Variants in PAK1 observed in about 807,000 individuals in gnomAD.
PAK1 encodes the protein serine/threonine-protein kinase PAK 1.
Under a neutral mutation model 67.4 loss-of-function variants are expected in PAK1, and 29 were observed. The observed-to-expected ratio is 0.43, with a 90% confidence interval of 0.32 to 0.59. The LOEUF is 0.59. Ranked by LOEUF, PAK1 falls within the 20% of genes least tolerant of loss-of-function variation. PAK1 has a pLI of 0.07. For missense variants in PAK1, 337 were observed against 670.7 expected (o/e 0.50, Z 5.50); for synonymous variants, 223 against 237.4 (o/e 0.94, Z 0.56).
intron 1 of PAK1, among the ~76,000 whole-genome samples, chr11:77,412,770 AT>A (rs1267734595): frequency 6.6e-6 from 1 of 152,226 alleles, no homozygotes; most frequent in Middle Eastern, 3.2e-3. Context: ...TACTTTATAA[AT>A]GTTATGTCTC....
At chr11:77,442,650 C>CT (rs1190059553) in intron 1 of PAK1, among the ~76,000 whole-genome samples, 1 of 152,168 alleles carries the variant, frequency 6.6e-6, no homozygotes, top group Non-Finnish European at 1.5e-5. Flanking sequence ...CCCAGCCACT[C>CT]TAAGATTCCT....
At chr11:77,507,213 G>T in the PAK1 span, among the ~76,000 whole-genome samples, 1 of 152,184 alleles carries the variant, frequency 6.6e-6, no homozygotes, top group African/African-American at 2.4e-5. Context: ...CAGAGGAAAA[G>T]CAAGTGAACC....
At chr11:77,490,794 T>C in the PAK1 span, among the ~76,000 whole-genome samples, 7 of 152,360 alleles carry the variant, frequency 4.6e-5, no homozygotes, top group South Asian at 2.1e-4. Flanking sequence ...AGAAAAATTC[T>C]TCGGCCTTGG....
the PAK1 span, among the ~76,000 whole-genome samples, chr11:77,508,951 C>A: frequency 3.4e-5 from 5 of 144,982 alleles, no homozygotes; most frequent in Admixed American, 2.7e-4. Flanking sequence ...TGAGCCACCG[C>A]GCCCGGCCCA....
chr11:77,488,908 C>G, the PAK1 span, among the ~76,000 whole-genome samples: 1 of 152,004 alleles, frequency 6.6e-6, no homozygotes, highest in Admixed American at 6.6e-5. Flanking sequence ...AGAGAACTTT[C>G]CAAACCTAGA....
chr11:77,510,113 T>C, the PAK1 span, among the ~76,000 whole-genome samples: 1 of 152,194 alleles, frequency 6.6e-6, no homozygotes, highest in Non-Finnish European at 1.5e-5. Flanking sequence ...CCCTTTTTGG[T>C]TTAGGTTGTT....
chr11:77,388,599 C>T (rs898960351), intron 2 of PAK1, among the ~76,000 whole-genome samples: 24 of 152,196 alleles, frequency 1.6e-4, no homozygotes, highest in African/African-American at 5.5e-4. Flanking sequence ...GTGATCCACC[C>T]GCCTCGGCCT....
At chr11:77,459,282 G>C (rs1421624306) in intron 1 of PAK1, among the ~76,000 whole-genome samples, 1 of 152,102 alleles carries the variant, frequency 6.6e-6, no homozygotes, top group Non-Finnish European at 1.5e-5. Flanking sequence ...GCAGAATAAT[G>C]AATAAATAAG....
At chr11:77,437,804 T>A (rs1956194530) in intron 1 of PAK1, among the ~76,000 whole-genome samples, 1 of 152,204 alleles carries the variant, frequency 6.6e-6, no homozygotes, top group African/African-American at 2.4e-5. Flanking sequence ...AGTATATGGA[T>A]CTCCCTTCTA....
the PAK1 span, among the ~76,000 whole-genome samples, chr11:77,508,659 CTTT>C: frequency 1.2e-4 from 14 of 114,712 alleles, no homozygotes; most frequent in Admixed American, 9.4e-5. Context: ...CATAGAGATT[CTTT>C]TTTTTTTTTT....
At chr11:77,520,782 T>C in the PAK1 span, among the ~76,000 whole-genome samples, 1 of 152,174 alleles carries the variant, frequency 6.6e-6, no homozygotes, top group Non-Finnish European at 1.5e-5. Context: ...TGGCTACTCA[T>C]CTAGAAAGAG....
intron 1 of PAK1, among the ~76,000 whole-genome samples, chr11:77,416,831 T>C (rs1954986463): frequency 6.6e-6 from 1 of 152,106 alleles, no homozygotes; most frequent in Non-Finnish European, 1.5e-5. Flanking sequence ...CGGGCGCCTA[T>C]AGTCCCAGCT....
intron 1 of PAK1, among the ~76,000 whole-genome samples, chr11:77,405,809 T>C (rs1338875270): frequency 1.3e-5 from 2 of 151,920 alleles, no homozygotes; most frequent in African/African-American, 4.8e-5. Flanking sequence ...TTAAACTATC[T>C]CCACTTCCTC....
intron 14 of PAK1, among the ~76,000 whole-genome samples, chr11:77,328,090 C>G (rs1287548624): frequency 6.6e-6 from 1 of 152,120 alleles, no homozygotes; most frequent in Non-Finnish European, 1.5e-5. Flanking sequence ...GCTAACTATC[C>G]TAAATATATA....
chr11:77,499,622 C>T, the PAK1 span, among the ~76,000 whole-genome samples: 119 of 152,304 alleles, frequency 7.8e-4, 2 homozygotes, highest in Middle Eastern at 3.4e-3. Flanking sequence ...GAAGTAGGTA[C>T]TGCCTCTTAA....
At chr11:77,504,854 C>T in the PAK1 span, among the ~76,000 whole-genome samples, 9 of 152,300 alleles carry the variant, frequency 5.9e-5, no homozygotes, top group Admixed American at 1.3e-4. Flanking sequence ...TATCCAGACA[C>T]CATATCAAGT....
intron 2 of PAK1, among the ~76,000 whole-genome samples, chr11:77,388,376 C>T (rs61901810): frequency 1.3e-5 from 2 of 152,144 alleles, no homozygotes; most frequent in African/African-American, 2.4e-5. Context: ...TTTTTTGAGA[C>T]GGAGTCTCGC....
the PAK1 span, among the ~76,000 whole-genome samples, chr11:77,518,182 T>G: frequency 6.6e-6 from 1 of 152,230 alleles, no homozygotes; most frequent in Non-Finnish European, 1.5e-5. Flanking sequence ...GTATTTTTCT[T>G]CTTGTTTGTT....
chr11:77,411,196 T>C (rs1954466177), intron 1 of PAK1, among the ~76,000 whole-genome samples: 1 of 151,996 alleles, frequency 6.6e-6, no homozygotes, highest in Non-Finnish European at 1.5e-5. Context: ...TCTACAGTGT[T>C]GAGGGGGACA....
Sources: gnomAD v4.1 joint callset for allele counts (sites outside exome capture counted in the v4.1 genomes callset) on GRCh38, gnomAD v4.1.1 for gene constraint, MANE v1.5 for transcripts, NCBI Gene and HGNC (gene_info 2026-07-23, HGNC 2026-07-21) for gene names.